MBOAT2: variants seen among roughly 807,000 people sequenced by gnomAD.
MBOAT2 encodes membrane-bound glycerophospholipid O-acyltransferase 2.
MBOAT2 carries 28 observed loss-of-function variants against 63.4 expected under a neutral mutation model. That is an observed-to-expected ratio of 0.44 (90% confidence interval 0.33 to 0.61). The LOEUF (loss-of-function observed/expected upper bound fraction) is 0.61, where lower values mean the gene tolerates loss of function less well. Ranked by LOEUF, MBOAT2 falls within the 20% of genes least tolerant of loss-of-function variation. The pLI is 0.03. For missense variants in MBOAT2, 470 were observed against 605.8 expected (o/e 0.78, Z 2.35); for synonymous variants, 211 against 215.6 (o/e 0.98, Z 0.19).
intron 3 of MBOAT2, among the ~76,000 whole-genome samples, chr2:8,915,604 C>T (rs928269291): frequency 6.6e-6 from 1 of 152,110 alleles, no homozygotes; most frequent in African/African-American, 2.4e-5. Context: ...GCTATCTTGT[C>T]TTTTAAATTA....
At chr2:8,966,675 C>T (rs907579927) in intron 1 of MBOAT2, among the ~76,000 whole-genome samples, 3 of 152,150 alleles carry the variant, frequency 2.0e-5, no homozygotes, top group Admixed American at 6.5e-5. Context: ...AAGCCAAATA[C>T]GACATCATTA....
intron 3 of MBOAT2, among the ~76,000 whole-genome samples, chr2:8,929,523 T>C (rs992464303): frequency 6.6e-5 from 10 of 152,198 alleles, no homozygotes; most frequent in Non-Finnish European, 8.8e-5. Context: ...AGCTAATCTT[T>C]TGTATTTTTT....
chr2:8,930,982 G>A (rs1419798503), intron 3 of MBOAT2, among the ~76,000 whole-genome samples: 1 of 152,046 alleles, frequency 6.6e-6, no homozygotes, highest in Non-Finnish European at 1.5e-5. Flanking sequence ...TCTGCTCCAT[G>A]TCTCTCTTTC....
intron 1 of MBOAT2, among the ~76,000 whole-genome samples, chr2:8,970,813 C>T (rs1300422650): frequency 6.6e-6 from 1 of 152,214 alleles, no homozygotes; most frequent in African/African-American, 2.4e-5. Context: ...CCTCCCAAGA[C>T]TAAACTAGGA....
chr2:8,911,602 C>G (rs1262771969), intron 3 of MBOAT2, among the ~76,000 whole-genome samples: 2 of 152,080 alleles, frequency 1.3e-5, no homozygotes, highest in Non-Finnish European at 2.9e-5. Context: ...AATGCCTTCC[C>G]TGGGGGATGA....
intron 4 of MBOAT2, among the ~76,000 whole-genome samples, chr2:8,901,435 C>T (rs969944275): frequency 2.6e-5 from 4 of 152,068 alleles, no homozygotes. Context: ...TGGCCCTTAC[C>T]GACACATTCT....
intron 1 of MBOAT2, among the ~76,000 whole-genome samples, chr2:8,980,323 A>G (rs1354951318): frequency 6.6e-6 from 1 of 152,176 alleles, no homozygotes; most frequent in Admixed American, 6.5e-5. Flanking sequence ...ATCTGAGGCA[A>G]GCAACTCAAC....
chr2:8,913,092 AAAGG>A (rs1665909573), intron 3 of MBOAT2, among the ~76,000 whole-genome samples: 1 of 152,204 alleles, frequency 6.6e-6, no homozygotes, highest in South Asian at 2.1e-4. Flanking sequence ...TAAAATGAGG[AAAGG>A]ACACCCTTTT....
chr2:8,898,255 G>A lies in MBOAT2; in HGVS notation c.396-10182C>T, dbSNP rs562978369. 3.1e-4 allele frequency among the ~76,000 whole-genome samples: 47 copies of A among 152,258 alleles called. No homozygotes were observed. The South Asian group carries it at 3.7e-3, about 12-fold the overall frequency. On this transcript the variant is annotated intron_variant, in intron 4 of 12. Coordinates refer to ENST00000305997, the MANE Select transcript of MBOAT2 (RefSeq NM_138799.4). ...AAGGCTGTTTCTGCCCCTGGTTCCCGTTCTACTAGATGAGTATTTGCCCTG... is the reference window on the plus strand; with the variant it reads ...AAGGCTGTTTCTGCCCCTGGTTCCCATTCTACTAGATGAGTATTTGCCCTG...
intron 2 of MBOAT2, among the ~76,000 whole-genome samples, chr2:8,953,795 A>G (rs1467217066): frequency 1.3e-5 from 2 of 152,168 alleles, no homozygotes; most frequent in Admixed American, 1.3e-4. Flanking sequence ...GATTTCTTTT[A>G]CAGATGTTTA....
chr2:8,875,428 C>A (rs1662635129), intron 7 of MBOAT2, among the ~76,000 whole-genome samples: 1 of 152,086 alleles, frequency 6.6e-6, no homozygotes, highest in African/African-American at 2.4e-5. Context: ...AGAATATATA[C>A]ATTTGTATTA....
intron 7 of MBOAT2, among the ~76,000 whole-genome samples, chr2:8,876,415 G>A (rs1022913826): frequency 6.6e-6 from 1 of 152,202 alleles, no homozygotes; most frequent in Non-Finnish European, 1.5e-5. Flanking sequence ...GAGTAACTAC[G>A]TGTGAGGTGC....
intron 1 of MBOAT2, among the ~76,000 whole-genome samples, chr2:8,968,348 GAAAGGACATCCACACCA>G (rs1214907732): frequency 6.6e-6 from 1 of 152,168 alleles, no homozygotes; most frequent in African/African-American, 2.4e-5. Context: ...CTAACAAACA[GAAAGGACATCCACACCA>G]AAACCCCATC....
intron 5 of MBOAT2, among the ~76,000 whole-genome samples, chr2:8,882,896 A>G (rs1053591156): frequency 1.3e-5 from 2 of 152,204 alleles, no homozygotes; most frequent in Admixed American, 6.5e-5. Flanking sequence ...CAATTTTTCT[A>G]TTATGGGATG....
At chr2:8,919,943 T>G (rs967453483) in intron 3 of MBOAT2, among the ~76,000 whole-genome samples, 1 of 152,016 alleles carries the variant, frequency 6.6e-6, no homozygotes, top group African/African-American at 2.4e-5. Flanking sequence ...TAAACAACTT[T>G]TTTTAAAAGA....
At chr2:8,882,195 G>A (rs1663184655) in intron 6 of MBOAT2, among the ~76,000 whole-genome samples, 2 of 152,198 alleles carry the variant, frequency 1.3e-5, no homozygotes, top group South Asian at 4.1e-4. Context: ...CTACATGGCA[G>A]ACATGAAGAC....
At chr2:8,865,709 A>AT (rs1661823966) in intron 9 of MBOAT2, among the ~76,000 whole-genome samples, 1 of 152,166 alleles carries the variant, frequency 6.6e-6, no homozygotes, top group African/African-American at 2.4e-5. Context: ...TCTGGCCTTT[A>AT]TGCCAATCCC....
intron 3 of MBOAT2, among the ~76,000 whole-genome samples, chr2:8,938,738 C>G (rs1307616693): frequency 6.9e-6 from 1 of 144,004 alleles, no homozygotes; most frequent in Non-Finnish European, 1.5e-5. Context: ...CCACCGTTGT[C>G]TCATGCCGCC....
At chr2:8,909,328 T>C (rs1487376358) in intron 3 of MBOAT2, among the ~76,000 whole-genome samples, 1 of 152,190 alleles carries the variant, frequency 6.6e-6, no homozygotes, top group African/African-American at 2.4e-5. Context: ...TTGAATAGGA[T>C]GAAGGCTGCA....
Sources: allele counts gnomAD v4.1 joint callset (sites outside exome capture counted in the v4.1 genomes callset), GRCh38; gene constraint gnomAD v4.1.1; transcripts MANE v1.5; gene names NCBI Gene and HGNC (gene_info 2026-07-23, HGNC 2026-07-21).